Variants in PHEX observed in about 807,000 individuals in gnomAD.
The protein encoded by PHEX is phosphate-regulating neutral endopeptidase PHEX.
In PHEX, 16 loss-of-function variants were observed where a neutral mutation model predicts 68.0. The observed-to-expected ratio is 0.24, with a 90% CI of 0.16 to 0.36. The LOEUF (loss-of-function observed/expected upper bound fraction) is 0.36. Among genes scored for constraint, PHEX ranks in the 10% least tolerant of loss-of-function variants. The probability of loss-of-function intolerance (pLI) is 1.00; values close to 1 mark genes in which losing one functional copy is unlikely to be tolerated. For missense variants in PHEX, 480 were observed against 575.5 expected (o/e 0.83, Z 1.70); for synonymous variants, 208 against 205.1 (o/e 1.01, Z -0.12).
chrX:22,177,122 A>G (rs1469728504), intron 13 of PHEX, among the ~76,000 whole-genome samples: 3 of 111,503 alleles, frequency 2.7e-5, no homozygotes, highest in East Asian at 5.6e-4. Context: ...CACGGACATG[A>G]GAACCCACTC....
intron 17 of PHEX, among the ~76,000 whole-genome samples, 185 bp downstream of exon 17, chrX:22,219,288 T>C (rs1935192149): frequency 8.9e-6 from 1 of 112,822 alleles, no homozygotes; most frequent in African/African-American, 3.2e-5. Context: ...AAGTAAACAA[T>C]TGTTCCCATT....
At chrX:22,046,622 C>T (rs1318245911) in intron 2 of PHEX, among the ~76,000 whole-genome samples, 1 of 101,466 alleles carries the variant, frequency 9.9e-6, no homozygotes, top group African/African-American at 3.7e-5. Flanking sequence ...GGCTGGACTG[C>T]AGTGGTGCGA....
chrX:22,062,424 T>C (rs1333708573), intron 3 of PHEX, among the ~76,000 whole-genome samples: 1 of 111,805 alleles, frequency 8.9e-6, no homozygotes, highest in Non-Finnish European at 1.9e-5. Flanking sequence ...ATATATTTTA[T>C]CTACCCCAAT....
intron 14 of PHEX, among the ~76,000 whole-genome samples, chrX:22,187,995 A>G (rs1381671358): frequency 5.4e-5 from 6 of 111,572 alleles, no homozygotes; most frequent in Non-Finnish European, 9.4e-5. Context: ...ATGGGGAAAA[A>G]CTGATGAATA....
At chrX:22,243,142 C>T in intron 20 of PHEX, among the ~76,000 whole-genome samples, 1 of 111,968 alleles carries the variant, frequency 8.9e-6, no homozygotes, top group East Asian at 2.8e-4. Flanking sequence ...CTACCACCAT[C>T]TGATCTTTGA....
At chrX:22,049,703 A>G (rs1184171227) in intron 3 of PHEX, among the ~76,000 whole-genome samples, 1 of 109,640 alleles carries the variant, frequency 9.1e-6, no homozygotes, top group African/African-American at 3.3e-5. Context: ...CCCCGGCTCT[A>G]CTAAAAATAA....
chrX:22,230,344 ATC>A (rs1345685960), intron 20 of PHEX, among the ~76,000 whole-genome samples: 1 of 100,457 alleles, frequency 1.0e-5, no homozygotes, highest in Non-Finnish European at 2.0e-5. Flanking sequence ...ATAGCAATGA[ATC>A]TCTCTCTAAA....
intron 15 of PHEX, among the ~76,000 whole-genome samples, chrX:22,195,971 G>A (rs113427386): frequency 3.5e-4 from 39 of 111,525 alleles, no homozygotes; most frequent in African/African-American, 1.1e-3. Flanking sequence ...TAACCCAGGA[G>A]TTCGAGACTA....
At chrX:22,077,452 C>T (rs1255766075) in intron 4 of PHEX, 24 bp from the exon 5 acceptor site, 10 of 1,165,721 alleles carry the variant, frequency 8.6e-6, no homozygotes, top group Admixed American at 4.4e-5. Context: ...TTCTAACTTT[C>T]TCTTCATATC....
At chrX:22,147,498 T>C (rs1001336016) in intron 12 of PHEX, among the ~76,000 whole-genome samples, 3 of 110,166 alleles carry the variant, frequency 2.7e-5, no homozygotes, top group Non-Finnish European at 3.8e-5. Context: ...GACAGGCAGA[T>C]AGTGGAAAAT....
chrX:22,206,601 G>C (rs1400320803), intron 15 of PHEX, among the ~76,000 whole-genome samples: 2 of 110,996 alleles, frequency 1.8e-5, no homozygotes, highest in Admixed American at 9.6e-5. Flanking sequence ...CCTTAAAAAA[G>C]CACTAGGGAA....
At position 22,033,046 on chromosome X, in the gene PHEX, A is replaced by G; in HGVS notation, c.41A>G (p.Lys14Arg). The change falls in exon 1 of 22, where the codon AAG becomes AGG. Residue 14 changes from lysine to arginine, a missense_variant. Coordinates refer to ENST00000379374, the MANE Select transcript of PHEX (RefSeq NM_000444.6). ...ETGSSVETGK[K>R]ANRGTRIALV... ...GGGAGCAGCGTGGAGACTGGAAAGA[A>G]GGCCAACAGAGGCACTCGAATTGCC... 1 of 1,209,751 alleles carries G rather than the reference A, an allele frequency of 8.3e-7. No homozygotes were observed. The highest frequency in any genetic ancestry group is 1.1e-6 in the Non-Finnish European group (1 of 894,246).
chrX:22,243,796 G>C (rs1364932746), intron 20 of PHEX, among the ~76,000 whole-genome samples: 1 of 112,317 alleles, frequency 8.9e-6, no homozygotes, highest in African/African-American at 3.2e-5. Flanking sequence ...ATGCTGGAGA[G>C]AATGTGGAGA....
chrX:22,177,356 T>C (rs1165322554), intron 13 of PHEX, among the ~76,000 whole-genome samples: 2 of 111,883 alleles, frequency 1.8e-5, no homozygotes, highest in Admixed American at 1.9e-4. Flanking sequence ...CTTATTCAAA[T>C]GTGTATTTTT....
intron 20 of PHEX, among the ~76,000 whole-genome samples, chrX:22,228,589 ACTTTTCCTGTTT>A (rs988317790): frequency 4.5e-5 from 5 of 111,441 alleles, no homozygotes; most frequent in Non-Finnish European, 9.4e-5. Context: ...CTTTCCTTTT[ACTTTTCCTGTTT>A]CTATCATCAC....
At chrX:22,205,259 G>A (rs1934673272) in intron 15 of PHEX, among the ~76,000 whole-genome samples, 1 of 111,682 alleles carries the variant, frequency 9.0e-6, no homozygotes, top group Admixed American at 9.5e-5. Context: ...ACCTTTTTTT[G>A]GATTGAATTT....
intron 12 of PHEX, among the ~76,000 whole-genome samples, chrX:22,143,102 T>C (rs1932536662): frequency 8.9e-6 from 1 of 112,162 alleles, no homozygotes; most frequent in Non-Finnish European, 1.9e-5. Context: ...TCCCCTCCCT[T>C]AGCTTCTCAT....
At chrX:22,148,842 A>G (rs1175267502) in intron 12 of PHEX, among the ~76,000 whole-genome samples, 2 of 111,259 alleles carry the variant, frequency 1.8e-5, no homozygotes, top group East Asian at 5.6e-4. Flanking sequence ...TGTTTAGCTC[A>G]AGACCATTGT....
chrX:22,230,811 T>C (rs1276874169), intron 20 of PHEX, among the ~76,000 whole-genome samples: 3 of 111,717 alleles, frequency 2.7e-5, no homozygotes, highest in Non-Finnish European at 5.6e-5. Flanking sequence ...CTTCCAATAC[T>C]ATGTTGAATA....
Sources: allele counts gnomAD v4.1 joint callset (sites outside exome capture counted in the v4.1 genomes callset), GRCh38; gene constraint gnomAD v4.1.1; transcripts MANE v1.5; gene names NCBI Gene and HGNC (gene_info 2026-07-23, HGNC 2026-07-21).